The following NRXN1 variants were observed in gnomAD, a reference collection of about 807,000 sequenced individuals.
NRXN1 encodes the protein neurexin 1, also known as neurexin-1.
Under a neutral mutation model 150.9 loss-of-function variants are expected in NRXN1, and 39 were observed. The ratio of observed to expected loss-of-function variants is 0.26; its 90% CI spans 0.20 to 0.34. NRXN1 has a LOEUF of 0.34. Ranked by LOEUF, NRXN1 falls within the 10% of genes least tolerant of loss-of-function variation. The pLI is 1.00. For missense variants in NRXN1, 1,815 were observed against 1,949.9 expected, an observed-to-expected ratio of 0.93 and a Z score of 1.30; for synonymous variants, 924 against 757.0, an observed-to-expected ratio of 1.22 and a Z score of -3.62.
chr2:50,639,323 C>G (rs535177889), intron 5 of NRXN1, among the ~76,000 whole-genome samples: 1 of 150,486 alleles, frequency 6.6e-6, no homozygotes, highest in East Asian at 2.0e-4. Flanking sequence ...TGGGTTCAAG[C>G]GATTCTCCTG....
chr2:50,141,809 T>A (rs1707311812), intron 18 of NRXN1, among the ~76,000 whole-genome samples: 2 of 152,064 alleles, frequency 1.3e-5, no homozygotes, highest in Admixed American at 1.3e-4. Context: ...AAACAGATGC[T>A]GGTGAGGATG....
At chr2:50,396,964 G>C (rs147167675) in intron 17 of NRXN1, among the ~76,000 whole-genome samples, 1,526 of 152,260 alleles carry the variant, frequency 0.01, 22 homozygotes, top group African/African-American at 0.035. Context: ...GAAACCTAGA[G>C]AGGAGAAGGG....
intron 18 of NRXN1, among the ~76,000 whole-genome samples, chr2:50,157,640 C>T (rs1018854951): frequency 6.6e-6 from 1 of 151,786 alleles, no homozygotes; most frequent in Non-Finnish European, 1.5e-5. Flanking sequence ...GAAGGTGAAG[C>T]AGGGGAAAGG....
At position 50,496,017 on chromosome 2, in the gene NRXN1, A is replaced by G; in HGVS notation, c.2958T>C (p.Asn986=). ...KGSSNKPLND[N]QWHNVMISRD... ...TTGATATCATCACGTTGTGCCACTGATTGTCATTGAGAGGTTTATTTGAGC... is the reference window on the plus strand; with the variant it reads ...TTGATATCATCACGTTGTGCCACTGGTTGTCATTGAGAGGTTTATTTGAGC... Residue 986 remains asparagine (N), a synonymous_variant, in exon 15 of 23, where the codon AAT becomes AAC. Transcript: ENST00000401669. The G allele has an allele frequency of 3.1e-6, 5 of 1,613,490 alleles. No homozygotes were observed. The highest frequency in any genetic ancestry group is 1.1e-5 in the South Asian group (1 of 90,980).
intron 5 of NRXN1, chr2:50,633,075 T>G (rs1682627179): frequency 6.6e-6 from 1 of 152,142 alleles, no homozygotes; most frequent in Non-Finnish European, 1.5e-5. Context: ...TTGGTGAATA[T>G]ACTTAACAAG....
At chr2:50,393,505 C>G (rs1470155902) in intron 17 of NRXN1, among the ~76,000 whole-genome samples, 1 of 151,962 alleles carries the variant, frequency 6.6e-6, no homozygotes, top group Non-Finnish European at 1.5e-5. Flanking sequence ...GATATTTTGG[C>G]TGTGGAAAAC....
In NRXN1 at chr2:50,589,724, G is replaced by A. The variant is rs1167682697; in HGVS notation, c.1320+30298C>T. ...CTCACTGGAGTTAAGTAGGTTTGCA[G>A]CAAAACCCAACTGTTATAGCCAGAC... On this transcript the variant is annotated intron_variant, in intron 8 of 22. Coordinates refer to ENST00000401669, the MANE Select transcript of NRXN1 (RefSeq NM_001330078.2). Among the ~76,000 whole-genome samples, 3 of 112,822 alleles carry A rather than the reference G, an allele frequency of 2.7e-5. No individual in the cohort carries two copies. In the Admixed American group the frequency reaches 3.2e-4, roughly 12 times the overall value. The allele number at this position is 112,822 out of a possible 152,430, so 74.0% of individuals were successfully genotyped here.
At chr2:50,171,702 G>C (rs528841020) in intron 18 of NRXN1, among the ~76,000 whole-genome samples, 2 of 152,124 alleles carry the variant, frequency 1.3e-5, no homozygotes, top group Admixed American at 6.5e-5. Flanking sequence ...TTCTTTATTA[G>C]AAGAATGTTA....
At chr2:50,926,790 T>C (rs1686959492) in intron 2 of NRXN1, among the ~76,000 whole-genome samples, 1 of 151,908 alleles carries the variant, frequency 6.6e-6, no homozygotes, top group South Asian at 2.1e-4. Context: ...ACCTACATGT[T>C]TTCATATATT....
At chr2:50,126,804 T>G (rs1044274592) in intron 18 of NRXN1, among the ~76,000 whole-genome samples, 1 of 152,118 alleles carries the variant, frequency 6.6e-6, no homozygotes, top group Admixed American at 6.5e-5. Flanking sequence ...CATTGCTGCC[T>G]GTCCCAAAAA....
At chr2:50,901,590 T>C (rs1443272028) in intron 5 of NRXN1, among the ~76,000 whole-genome samples, 1 of 152,128 alleles carries the variant, frequency 6.6e-6, no homozygotes, top group Non-Finnish European at 1.5e-5. Flanking sequence ...GCTTTCAAAG[T>C]TCCCCACCTG....
At chr2:50,462,331 G>C (rs115372881) in intron 17 of NRXN1, among the ~76,000 whole-genome samples, 2,252 of 151,674 alleles carry the variant, frequency 0.015, 56 homozygotes, top group African/African-American at 0.05. Context: ...GGAAGCCAGA[G>C]GAGAAAAAAA....
intron 5 of NRXN1, among the ~76,000 whole-genome samples, chr2:50,693,023 C>A (rs149810063): frequency 1.2e-3 from 187 of 152,188 alleles, no homozygotes; most frequent in African/African-American, 4.2e-3. Flanking sequence ...GATGGGTGGA[C>A]TAGAAAAATA....
chr2:50,366,152 CTT>C (rs35589416), intron 17 of NRXN1, among the ~76,000 whole-genome samples: 69 of 132,402 alleles, frequency 5.2e-4, no homozygotes, highest in South Asian at 9.8e-4. Context: ...CGGCTGGACA[CTT>C]TTTTTTTTTT....
chr2:50,849,002 C>T (rs895744896), intron 5 of NRXN1, among the ~76,000 whole-genome samples: 4 of 152,200 alleles, frequency 2.6e-5, no homozygotes, highest in African/African-American at 9.7e-5. Context: ...CCATCACTCA[C>T]ATTGCTATTC....
At chr2:49,938,337 G>A (rs1305647739) in intron 22 of NRXN1, among the ~76,000 whole-genome samples, 2 of 152,168 alleles carry the variant, frequency 1.3e-5, no homozygotes, top group African/African-American at 2.4e-5. Flanking sequence ...CAATGATGGA[G>A]CGCAGAATAA....
intron 18 of NRXN1, among the ~76,000 whole-genome samples, chr2:50,128,212 G>A (rs913565444): frequency 3.3e-5 from 5 of 152,142 alleles, no homozygotes; most frequent in Non-Finnish European, 5.9e-5. Context: ...AGATATCTCT[G>A]AGAAGATATG....
chr2:50,979,871 T>C (rs1696512509), intron 2 of NRXN1, among the ~76,000 whole-genome samples: 1 of 152,160 alleles, frequency 6.6e-6, no homozygotes, highest in Non-Finnish European at 1.5e-5. Flanking sequence ...GCACACATAA[T>C]GGTTTCAAAC....
intron 18 of NRXN1, among the ~76,000 whole-genome samples, chr2:50,138,372 A>G (rs1706731576): frequency 6.6e-6 from 1 of 152,180 alleles, no homozygotes; most frequent in African/African-American, 2.4e-5. Context: ...CTACAAGAAA[A>G]TAATGCAAAC....
Sources: gnomAD v4.1 joint callset for allele counts (sites outside exome capture counted in the v4.1 genomes callset) on GRCh38, gnomAD v4.1.1 for gene constraint, MANE v1.5 for transcripts, NCBI Gene and HGNC (gene_info 2026-07-23, HGNC 2026-07-21) for gene names.